PTK7: variants seen among roughly 807,000 people sequenced by gnomAD.
The protein encoded by PTK7 is protein tyrosine kinase 7 (inactive), also known as inactive tyrosine-protein kinase 7.
In PTK7, 39 loss-of-function variants were observed where a neutral mutation model predicts 116.6. That is an observed-to-expected ratio of 0.33 (90% CI 0.26 to 0.44). The LOEUF (loss-of-function observed/expected upper bound fraction) is 0.44, where lower values mean the gene tolerates loss of function less well. Among genes scored for constraint, PTK7 ranks in the 20% least tolerant of loss-of-function variants. The pLI is 1.00. For missense variants in PTK7, 1,169 were observed against 1,425.6 expected (o/e 0.82, Z 2.90); for synonymous variants, 546 against 563.6 (o/e 0.97, Z 0.44).
Position 43,150,945 on chromosome 6 carries a change from C to T in PTK7, c.2721+4247C>T, listed in dbSNP as rs558361815. Among the ~76,000 whole-genome samples, 10 of 151,908 alleles carry T rather than the reference C, an allele frequency of 6.6e-5. 1 individual carries two copies. The South Asian group carries it at 2.1e-3, about 32-fold the overall frequency. ...TCAAGCGATTCTCCTGCCTTAGCCT[C>T]CCGAGTAGCTGGGATTACAGGAGCC... On this transcript the variant is annotated intron_variant, in intron 17 of 19. Coordinates refer to ENST00000230419, the MANE Select transcript of PTK7 (RefSeq NM_002821.5).
Position 43,130,608 on chromosome 6 carries a change from C to G in PTK7, c.759C>G (p.Pro253=). Residue 253 remains proline (P), a synonymous_variant, in exon 5 of 20, where the codon CCC becomes CCG. Transcript: ENST00000230419. ...MFHCQFSAQP[P]PSLQWLFEDE... is the part of the protein sequence containing the mutation. Reference sequence around the variant, plus strand: ...ATTGCCAGTTCTCAGCCCAGCCACCCCCGAGCCTGCAGTGGCTCTTTGAGG... The same window carrying G: ...ATTGCCAGTTCTCAGCCCAGCCACCGCCGAGCCTGCAGTGGCTCTTTGAGG... The G allele has an allele frequency of 6.2e-7, 1 of 1,614,220 alleles. No individual in the cohort carries two copies. The highest frequency in any genetic ancestry group is 1.1e-5 in the South Asian group (1 of 91,084).
intron 1 of PTK7, among the ~76,000 whole-genome samples, chr6:43,096,148 C>T (rs1236802876): frequency 6.6e-6 from 1 of 152,220 alleles, no homozygotes; most frequent in Non-Finnish European, 1.5e-5. Context: ...GAATTAACAG[C>T]TGCCTGTTCT....
chr6:43,083,377 CCTT>C (rs1410729130), intron 1 of PTK7, among the ~76,000 whole-genome samples: 1 of 152,182 alleles, frequency 6.6e-6, no homozygotes, highest in Admixed American at 6.5e-5. Flanking sequence ...TCTGCCTGGT[CCTT>C]CTTCTGAGGG....
At chr6:43,125,936 G>C (rs1336305721) in intron 1 of PTK7, among the ~76,000 whole-genome samples, 2 of 152,068 alleles carry the variant, frequency 1.3e-5, no homozygotes, top group East Asian at 3.9e-4. Flanking sequence ...TGCAGAAGCT[G>C]AGCGAGGAAG....
chr6:43,153,785 G>T (rs965363530), intron 17 of PTK7, among the ~76,000 whole-genome samples: 5 of 151,874 alleles, frequency 3.3e-5, no homozygotes, highest in Non-Finnish European at 5.9e-5. Context: ...ACCTGTAATC[G>T]CAGCACTTTG....
rs148847601 is a variant in PTK7 at position 43,145,033 on chromosome 6, C to G, written c.2408-167C>G. 441 of 536,666 alleles carry G rather than the reference C, an allele frequency of 8.2e-4. No homozygotes were observed. Among genetic ancestry groups the G allele is most frequent in the African/African-American group, 7.2e-3 (386 of 53,536 alleles). The allele number at this position is 536,666 out of a possible 1,614,324, so 33.2% of individuals were successfully genotyped here. A position where few individuals can be genotyped will look rare whatever the true frequency, so the allele number is the denominator to read the frequency against. ...TTAGTCCCACCCTTTTATTTTGTTGCTGCAGACACTGAAGCCTAAGGAGGG... is the reference window on the plus strand; with the variant it reads ...TTAGTCCCACCCTTTTATTTTGTTGGTGCAGACACTGAAGCCTAAGGAGGG... On this transcript the variant is annotated intron_variant, in intron 15 of 19. Coordinates refer to ENST00000230419, the MANE Select transcript of PTK7 (RefSeq NM_002821.5). The surrounding 1 kb of genome is among the most constrained non-coding windows in gnomAD (Gnocchi z 4.8).
chr6:43,150,814 TTTCC>T (rs2150467093), intron 17 of PTK7, among the ~76,000 whole-genome samples: 1 of 109,522 alleles, frequency 9.1e-6, no homozygotes, highest in East Asian at 2.2e-4. Flanking sequence ...TTTTTTTTTT[TTTCC>T]CGAGACAGAG....
At chr6:43,118,671 A>C (rs995976211) in intron 1 of PTK7, among the ~76,000 whole-genome samples, 1,350 of 112,836 alleles carry the variant, frequency 0.012, 10 homozygotes, top group African/African-American at 0.032. Flanking sequence ...ATATATATAT[A>C]TATATATATA....
Position 43,139,133 on chromosome 6 carries a change from C to T in PTK7, c.1363-3C>T. On this transcript the variant is annotated splice_region_variant and splice_polypyrimidine_tract_variant and intron_variant, in intron 8 of 19. Transcript: ENST00000230419. This position sits in a 1 kb window ranked among gnomAD's most constrained non-coding sequence, Gnocchi z 4.6. ...GCTCTGAGGCCTCTCACCTGTGCTG[C>T]AGGACTCACGGTTCGAGGTCTTCAA... The T allele has an allele frequency of 1.9e-6, 3 of 1,614,094 alleles. No individual in the cohort carries two copies. The highest frequency in any genetic ancestry group is 1.3e-5 in the African/African-American group (1 of 75,052).
Position 43,129,820 on chromosome 6 carries a change from G to A in PTK7, c.461G>A (p.Gly154Glu). ...TQVTLRCHIDGHPRPTYQWFR... is the reference protein window; with the variant it reads ...TQVTLRCHIDEHPRPTYQWFR... ...GTCACACTTCGTTGCCACATTGATG[G>A]GCACCCTCGGTAAGGAGTCAGGGAG... Residue 154 changes from glycine to glutamate, a missense_variant, in exon 3 of 20, where the codon GGG becomes GAG. Physicochemically the swap from Gly to Glu is moderately conservative, Grantham distance 98. Coordinates refer to ENST00000230419, the MANE Select transcript of PTK7 (RefSeq NM_002821.5). The surrounding 1 kb of genome is among the most constrained non-coding windows in gnomAD (Gnocchi z 4.5). 6.2e-7 allele frequency: 1 copy of A among 1,614,012 alleles called. No individual in the cohort carries two copies. The highest frequency in any genetic ancestry group is 8.5e-7 in the Non-Finnish European group (1 of 1,179,928).
chr6:43,158,742 C>T, intron 17 of PTK7, 75 bp from the exon 18 acceptor site: 1 of 1,496,436 alleles, frequency 6.7e-7, no homozygotes, highest in Non-Finnish European at 9.1e-7. Flanking sequence ...TGAAACGCTA[C>T]CAAGGGTTGT....
At chr6:43,097,246 G>T (rs374676010) in intron 1 of PTK7, among the ~76,000 whole-genome samples, 1 of 152,156 alleles carries the variant, frequency 6.6e-6, no homozygotes, top group Non-Finnish European at 1.5e-5. Flanking sequence ...ACCTGAAGCC[G>T]GTGCTGTCTG....
At position 43,076,951 on chromosome 6, in the gene PTK7, A is replaced by G. The variant is rs1289776578; in HGVS notation, c.79+384A>G. 2 of 1,511,986 alleles carry G rather than the reference A, an allele frequency of 1.3e-6. No homozygotes were observed. The highest frequency in any genetic ancestry group is 1.8e-6 in the Non-Finnish European group (2 of 1,130,324). 93.7% of individuals were successfully genotyped at this position (1,511,986 alleles called of 1,614,324 possible). A position where few individuals can be genotyped will look rare whatever the true frequency, so the allele number is the denominator to read the frequency against. Reference sequence around the variant, plus strand: ...ACCGTGGGGAGCGCGATGGAGAAAAAGGAATTCCCCACCCCACCCGGCAGG... The same window carrying G: ...ACCGTGGGGAGCGCGATGGAGAAAAGGGAATTCCCCACCCCACCCGGCAGG... On this transcript the variant is annotated intron_variant, in intron 1 of 19. Transcript: ENST00000230419. The surrounding 1 kb of genome is among the most constrained non-coding windows in gnomAD (Gnocchi z 5.7).
intron 1 of PTK7, among the ~76,000 whole-genome samples, chr6:43,126,886 G>A (rs1016965212): frequency 3.3e-5 from 5 of 152,302 alleles, no homozygotes; most frequent in East Asian, 3.9e-4. Context: ...TCAGTGCCAC[G>A]CTGAGAAGTA....
chr6:43,117,009 G>A (rs9472010), intron 1 of PTK7, among the ~76,000 whole-genome samples: 88,703 of 151,550 alleles, frequency 0.59, 28,496 homozygotes, highest in African/African-American at 0.88. Context: ...TTTTTAATAG[G>A]GACGGGGTTT....
chr6:43,101,961 C>T (rs768881138), intron 1 of PTK7, among the ~76,000 whole-genome samples: 19 of 151,800 alleles, frequency 1.3e-4, no homozygotes, highest in Non-Finnish European at 2.2e-4. Flanking sequence ...TTTGGGAGGC[C>T]GAGGCGGGCA....
At chr6:43,118,114 T>C (rs1397865681) in intron 1 of PTK7, among the ~76,000 whole-genome samples, 1 of 150,774 alleles carries the variant, frequency 6.6e-6, no homozygotes, top group Admixed American at 6.6e-5. Context: ...TTTTTTTTTT[T>C]TTTTTTTTGA....
rs984858995 is a variant in PTK7, at chr6:43,148,260, G to A, written c.2721+1562G>A. Among the ~76,000 whole-genome samples the A allele has an allele frequency of 3.3e-5, 5 of 150,672 alleles. No individual in the cohort carries two copies. In the East Asian group the frequency reaches 9.7e-4, roughly 29 times the overall value. ...AGAGCACGATCCTGTCTCAAAGGGA[G>A]GGGAGGGGGGGAAAGGACAGGCATC... On this transcript the variant is annotated intron_variant, in intron 17 of 19. Transcript: ENST00000230419.
chr6:43,107,041 G>C (rs1561947152), intron 1 of PTK7, among the ~76,000 whole-genome samples: 1 of 151,966 alleles, frequency 6.6e-6, no homozygotes, highest in Non-Finnish European at 1.5e-5. Flanking sequence ...TCCTGCCTCA[G>C]CCTCCTGAGT....
Sources: gnomAD v4.1 joint callset for allele counts (sites outside exome capture counted in the v4.1 genomes callset) on GRCh38, gnomAD v4.1.1 for gene constraint, Gnocchi (gnomAD v3.1) non-coding constraint, MANE v1.5 for transcripts, NCBI Gene and HGNC (gene_info 2026-07-23, HGNC 2026-07-21) for gene names.